The following SCEL variants were observed in gnomAD, a reference collection of about 807,000 sequenced individuals.
SCEL encodes the protein sciellin.
Under a neutral mutation model 117.6 loss-of-function variants are expected in SCEL, and 113 were observed. The ratio of observed to expected loss-of-function variants is 0.96; its 90% confidence interval spans 0.83 to 1.12. SCEL has a LOEUF of 1.12. Among genes scored for constraint, SCEL ranks in the 50% most tolerant of loss-of-function variants. SCEL has a pLI of 0.00. For synonymous variants in SCEL, 270 were observed against 256.2 expected (o/e 1.05, Z -0.51); for missense variants, 785 against 810.8 (o/e 0.97, Z 0.39).
intron 19 of SCEL, among the ~76,000 whole-genome samples, chr13:77,604,940 G>A (rs970072228): frequency 1.3e-5 from 2 of 151,906 alleles, no homozygotes; most frequent in African/African-American, 2.4e-5. Context: ...ATCTACATGC[G>A]TGTGTGTGGG....
chr13:77,569,309 A>C (rs2085462564), intron 7 of SCEL, 62 bp from the exon 8 acceptor site: 2 of 1,313,594 alleles, frequency 1.5e-6, no homozygotes, highest in Non-Finnish European at 2.2e-6. Context: ...AGACTTTTCA[A>C]AGGTAGGCTG....
At chr13:77,568,391 GA>G (rs1249064564) in intron 7 of SCEL, 58 bp downstream of exon 7, 1 of 1,109,716 alleles carries the variant, frequency 9.0e-7, no homozygotes. Context: ...AAAAACCAGG[GA>G]AAACCACCTC....
At chr13:77,619,852 C>G (rs2089313552) in intron 27 of SCEL, among the ~76,000 whole-genome samples, 1 of 152,104 alleles carries the variant, frequency 6.6e-6, no homozygotes, top group African/African-American at 2.4e-5. Context: ...CTCTCACTTT[C>G]TCTCCCACAT....
intron 23 of SCEL, 77 bp from the exon 24 acceptor site, chr13:77,613,816 T>C: frequency 3.7e-6 from 4 of 1,085,528 alleles, no homozygotes; most frequent in Non-Finnish European, 5.7e-6. Context: ...TAGGATTCTA[T>C]TGAATGACTT....
At chr13:77,546,939 G>C (rs1007841635) in intron 1 of SCEL, among the ~76,000 whole-genome samples, 4 of 152,138 alleles carry the variant, frequency 2.6e-5, no homozygotes, top group East Asian at 1.9e-4. Flanking sequence ...AGAAAAGAGT[G>C]GGGGAGCACA....
intron 1 of SCEL, among the ~76,000 whole-genome samples, chr13:77,540,685 G>C (rs2083655685): frequency 6.6e-6 from 1 of 152,244 alleles, no homozygotes; most frequent in South Asian, 2.1e-4. Context: ...GGAAGGAGTT[G>C]CTGTGGCTGA....
rs1344940477 is a variant in SCEL, at chr13:77,613,947, C to T, written c.1443C>T (p.Asn481=). 2 of 1,612,636 alleles carry T rather than the reference C, an allele frequency of 1.2e-6. No homozygotes were observed. The highest frequency in any genetic ancestry group is 1.7e-6 in the Non-Finnish European group (2 of 1,178,900). The change falls in exon 24 of 33, where the codon AAC becomes AAT. Residue 481 remains asparagine, a synonymous_variant. Coordinates refer to ENST00000349847, the MANE Select transcript of SCEL (RefSeq NM_144777.3). ...ATGTCAGCCCCAAAGCTGTCAAAAA[C>T]ACTGATGGGTAAGAGATGGATGTGA... ...HINVSPKAVK[N]TDGKQDLDKL... is the part of the protein sequence containing the mutation.
intron 1 of SCEL, among the ~76,000 whole-genome samples, chr13:77,540,975 G>A (rs957414335): frequency 6.6e-6 from 1 of 152,154 alleles, no homozygotes; most frequent in Non-Finnish European, 1.5e-5. Flanking sequence ...AAGAGATGTT[G>A]AATTATAGGA....
chr13:77,630,565 T>C (rs2089977534), intron 28 of SCEL, among the ~76,000 whole-genome samples: 1 of 152,224 alleles, frequency 6.6e-6, no homozygotes, highest in African/African-American at 2.4e-5. Context: ...GTGAAATTGC[T>C]GGATTGTAGA....
intron 30 of SCEL, 33 bp downstream of exon 30, chr13:77,637,227 T>G: frequency 9.4e-7 from 1 of 1,065,628 alleles, no homozygotes; most frequent in Non-Finnish European, 1.3e-6. Flanking sequence ...ACATAAAAAG[T>G]ACACACATAC....
intron 24 of SCEL, 147 bp from the exon 25 acceptor site, chr13:77,617,452 C>T: frequency 1.8e-6 from 1 of 553,024 alleles, no homozygotes; most frequent in Non-Finnish European, 3.2e-6. Context: ...ATTCTTCATC[C>T]CCTAAATTGG....
intron 29 of SCEL, among the ~76,000 whole-genome samples, chr13:77,634,926 T>C (rs1329817463): frequency 6.6e-6 from 1 of 152,206 alleles, no homozygotes; most frequent in Non-Finnish European, 1.5e-5. Flanking sequence ...CTTGGAGTGA[T>C]GGATATTGAG....
At chr13:77,559,960 T>A in intron 4 of SCEL, 97 bp downstream of exon 4, 1 of 1,044,244 alleles carries the variant, frequency 9.6e-7, no homozygotes, top group Non-Finnish European at 1.5e-6. Flanking sequence ...GCAGCATGCC[T>A]TGGGCTTTCC....
intron 9 of SCEL, among the ~76,000 whole-genome samples, chr13:77,588,047 C>T (rs1459450201): frequency 6.6e-6 from 1 of 152,140 alleles, no homozygotes; most frequent in Non-Finnish European, 1.5e-5. Context: ...TTCCATCAGT[C>T]TATATCTCCT....
At chr13:77,617,732 T>A (rs1263937854) in intron 25 of SCEL, 71 bp from the exon 26 acceptor site, 10 of 1,480,328 alleles carry the variant, frequency 6.8e-6, no homozygotes, top group Non-Finnish European at 8.4e-6. Context: ...TCAAGCAGAT[T>A]TATAACCTTA....
intron 27 of SCEL, among the ~76,000 whole-genome samples, chr13:77,619,299 C>G (rs1175990351): frequency 1.3e-5 from 2 of 152,156 alleles, no homozygotes; most frequent in African/African-American, 4.8e-5. Flanking sequence ...ACTGGCAATT[C>G]ATGTACATTT....
intron 1 of SCEL, among the ~76,000 whole-genome samples, chr13:77,550,437 G>T (rs1464761398): frequency 6.7e-6 from 1 of 149,364 alleles, no homozygotes; most frequent in African/African-American, 2.5e-5. Context: ...CTCCAAGGTT[G>T]TGCAACCATC....
chr13:77,621,853 A>G (rs1276860931), intron 27 of SCEL, among the ~76,000 whole-genome samples: 3 of 152,214 alleles, frequency 2.0e-5, no homozygotes, highest in Non-Finnish European at 4.4e-5. Context: ...TTTGCTCATG[A>G]CATAATCTCA....
At chr13:77,634,482 C>G in intron 29 of SCEL, 32 bp downstream of exon 29, 1 of 1,478,486 alleles carries the variant, frequency 6.8e-7, no homozygotes, top group Non-Finnish European at 9.4e-7. Flanking sequence ...TATATTGCTT[C>G]ATTTTATAAT....
Sources: gnomAD v4.1 joint callset for allele counts (sites outside exome capture counted in the v4.1 genomes callset) on GRCh38, gnomAD v4.1.1 for gene constraint, MANE v1.5 for transcripts, NCBI Gene and HGNC (gene_info 2026-07-23, HGNC 2026-07-21) for gene names.